SGK1: variants seen among roughly 807,000 people sequenced by gnomAD.
SGK1 encodes serine/threonine-protein kinase Sgk1.
SGK1 carries 26 observed loss-of-function variants against 64.2 expected under a neutral mutation model. That is an observed-to-expected ratio of 0.40 (90% confidence interval 0.30 to 0.56). The LOEUF is 0.56. Among genes scored for constraint, SGK1 ranks in the 20% least tolerant of loss-of-function variants. The probability of loss-of-function intolerance (pLI) is 0.38; values close to 1 mark genes in which losing one functional copy is unlikely to be tolerated. For synonymous variants in SGK1, 265 were observed against 239.7 expected (o/e 1.11, Z -0.98); for missense variants, 519 against 645.6 (o/e 0.80, Z 2.12).
chr6:134,269,405 G>A (rs1776906578), intron 1 of SGK1, among the ~76,000 whole-genome samples: 1 of 147,398 alleles, frequency 6.8e-6, no homozygotes, highest in Non-Finnish European at 1.5e-5. Flanking sequence ...TAAAAAGGGA[G>A]GCCAGGTGAG....
chr6:134,171,847 T>A (rs1562236702), intron 10 of SGK1, 115 bp from the exon 11 acceptor site: 1 of 688,966 alleles, frequency 1.5e-6, no homozygotes. Flanking sequence ...AAGATAGATA[T>A]CTTTAGATTC....
intron 2 of SGK1, among the ~76,000 whole-genome samples, chr6:134,214,577 CT>C (rs996292593): frequency 3.6e-5 from 1 of 27,476 alleles, no homozygotes; most frequent in African/African-American, 6.8e-5. Context: ...GATACGCTGT[CT>C]CAAAAAAAAA....
rs569164831 is a variant in SGK1 at position 134,215,420 on chromosome 6, G to A, written c.286-7989C>T. Reference sequence around the variant, plus strand: ...CATGAGCCACGGCGCCTGGCCGAGAGTAAGTTATTAATAGTTCTACTGATG... The same window carrying A: ...CATGAGCCACGGCGCCTGGCCGAGAATAAGTTATTAATAGTTCTACTGATG... On this transcript the variant is annotated intron_variant, in intron 2 of 13. Transcript: ENST00000367858. 2.2e-3 allele frequency among the ~76,000 whole-genome samples: 338 copies of A among 151,872 alleles called. 3 individuals carry two copies. The highest frequency in any genetic ancestry group is 0.014 in the Middle Eastern group (4 of 294).
rs765374226 is a variant in SGK1, at chr6:134,177,817, T to C, written c.362-3231A>G. The C allele has an allele frequency of 1.9e-6, 3 of 1,612,808 alleles. No homozygotes were observed. In the Admixed American group the frequency reaches 5.0e-5, roughly 27 times the overall value. ...CCTCTGATAAGCTGGAACTCTGAGATGACATGAGAGCACGAGCCAGAGACG... is the reference window on the plus strand; with the variant it reads ...CCTCTGATAAGCTGGAACTCTGAGACGACATGAGAGCACGAGCCAGAGACG... On this transcript the variant is annotated intron_variant, in intron 3 of 13. Transcript: ENST00000367858.
intron 2 of SGK1, among the ~76,000 whole-genome samples, chr6:134,209,828 C>T (rs191967939): frequency 3.6e-4 from 55 of 152,308 alleles, no homozygotes; most frequent in Admixed American, 2.7e-3. Flanking sequence ...AGACGTGCTC[C>T]ACCACGCCTG....
At chr6:134,245,291 T>A (rs923513150) in intron 2 of SGK1, among the ~76,000 whole-genome samples, 1 of 152,228 alleles carries the variant, frequency 6.6e-6, no homozygotes, top group South Asian at 2.1e-4. Context: ...GCAGTGACTA[T>A]GTCTTAGAAT....
intron 5 of SGK1, 84 bp from the exon 6 acceptor site, chr6:134,173,650 C>T (rs1220888397): frequency 2.2e-6 from 2 of 915,794 alleles, no homozygotes; most frequent in Non-Finnish European, 3.3e-6. Context: ...GAAAATGTTA[C>T]ATCTACAAAT....
chr6:134,171,358 T>TTGTGTGTGTG (rs113274174), intron 11 of SGK1, 180 bp from the exon 12 acceptor site: 1 of 623,210 alleles, frequency 1.6e-6, no homozygotes, highest in Non-Finnish European at 2.8e-6. Context: ...GTGTGTGTGT[T>TTGTGTGTGTG]TGTGTGTGTG....
At chr6:134,305,442 G>T (rs1256859542) in intron 1 of SGK1, among the ~76,000 whole-genome samples, 1 of 150,804 alleles carries the variant, frequency 6.6e-6, no homozygotes, top group African/African-American at 2.4e-5. Flanking sequence ...GCGTGGTGGT[G>T]TGTGTTTATA....
intron 1 of SGK1, among the ~76,000 whole-genome samples, chr6:134,283,499 A>G (rs1313176216): frequency 6.6e-6 from 1 of 151,746 alleles, no homozygotes; most frequent in East Asian, 1.9e-4. Flanking sequence ...TTAAAAAAAA[A>G]ACAAACATAA....
chr6:134,271,514 G>A (rs547029670), intron 1 of SGK1, among the ~76,000 whole-genome samples: 1 of 147,770 alleles, frequency 6.8e-6, no homozygotes, highest in Non-Finnish European at 1.5e-5. Context: ...GTAATCAGTG[G>A]AGAAGAACCT....
intron 1 of SGK1, among the ~76,000 whole-genome samples, chr6:134,303,808 A>AGAAAG (rs1777494689): frequency 6.6e-6 from 1 of 151,890 alleles, no homozygotes; most frequent in Non-Finnish European, 1.5e-5. Flanking sequence ...AGAAAAGAAA[A>AGAAAG]GAAAAGAAAG....
chr6:134,286,993 T>G (rs928234715), intron 1 of SGK1, among the ~76,000 whole-genome samples: 1 of 152,104 alleles, frequency 6.6e-6, no homozygotes, highest in Non-Finnish European at 1.5e-5. Flanking sequence ...TGGAGAAGTC[T>G]TTTTTTGTTT....
Position 134,262,091 on chromosome 6 carries a change from G to T in SGK1, c.127C>A (p.Leu43Met). 1 of 1,612,658 alleles carries T rather than the reference G, an allele frequency of 6.2e-7. No individual in the cohort carries two copies. The highest frequency in any genetic ancestry group is 8.5e-7 in the Non-Finnish European group (1 of 1,178,762). ...VSVDKHQSPS[L>M]KYTGSSMVHI... ...ACCATGGAGGAGCCGGTGTACTTCA[G>T]GCTGGGACTCTGATGCTTGTCCACA... The change falls in exon 2 of 14, where the codon CTG (leucine) becomes ATG (methionine). Residue 43 changes from leucine (L) to methionine (M), a missense_variant. Leu to Met is a conservative substitution (Grantham distance 15). Around this residue, in one of 2 missense-constraint regions of SGK1, gnomAD observed 241 missense variants for 236.9 expected, o/e 1.02. Transcript: ENST00000367858.
At chr6:134,199,585 A>C (rs1409701849) in intron 3 of SGK1, among the ~76,000 whole-genome samples, 2 of 148,626 alleles carry the variant, frequency 1.3e-5, no homozygotes, top group Admixed American at 6.7e-5. Flanking sequence ...AAAGAAAGAG[A>C]GTTTACTTAT....
intron 1 of SGK1, among the ~76,000 whole-genome samples, chr6:134,313,691 G>T (rs112991526): frequency 1.9e-3 from 294 of 152,088 alleles, no homozygotes; most frequent in African/African-American, 6.8e-3. Context: ...AATTTCTGAG[G>T]TTCATTCCAC....
At chr6:134,209,988 A>G (rs1775861293) in intron 2 of SGK1, among the ~76,000 whole-genome samples, 2 of 152,056 alleles carry the variant, frequency 1.3e-5, no homozygotes, top group South Asian at 2.1e-4. Context: ...GTGAAGCTCT[A>G]TTGACGAAGG....
At position 134,220,058 on chromosome 6, in the gene SGK1, CAAAAAAAAAAAAAAAA is replaced by C. The variant is rs55870107; in HGVS notation, c.286-12643_286-12628del. ...TGGGCGACAGAGCGAGACTCCGTCT[CAAAAAAAAAAAAAAAA>C]AAAAAAAAAAAAAGAAAAGAAAAGA... On this transcript the variant is annotated intron_variant, in intron 2 of 13. Transcript: ENST00000367858. Among the ~76,000 whole-genome samples, 17 of 61,354 alleles carry C rather than the reference CAAAAAAAAAAAAAAAA, an allele frequency of 2.8e-4. 1 individual carries two copies. The highest frequency in any genetic ancestry group is 1.8e-3 in the African/African-American group (17 of 9,194). 40.3% of individuals were successfully genotyped at this position (61,354 alleles called of 152,430 possible).
intron 2 of SGK1, among the ~76,000 whole-genome samples, chr6:134,224,740 T>C (rs1209122475): frequency 2.0e-5 from 3 of 152,062 alleles, no homozygotes; most frequent in Non-Finnish European, 4.4e-5. Context: ...TTTTATAATA[T>C]GGCCAGGCGC....
Sources: gnomAD v4.1 joint callset for allele counts (sites outside exome capture counted in the v4.1 genomes callset) on GRCh38, gnomAD v4.1.1 for gene constraint, gnomAD v4.1.1 regional missense constraint, MANE v1.5 for transcripts, NCBI Gene and HGNC (gene_info 2026-07-23, HGNC 2026-07-21) for gene names.